The following CACNA1E variants were observed in gnomAD, a reference collection of about 807,000 sequenced individuals.
The protein encoded by CACNA1E is calcium voltage-gated channel subunit alpha1 E.
In CACNA1E, 40 loss-of-function variants were observed where a neutral mutation model predicts 259.2. The observed-to-expected ratio is 0.15, with a 90% CI of 0.12 to 0.20. CACNA1E has a LOEUF of 0.20. Among genes scored for constraint, CACNA1E ranks in the 10% least tolerant of loss-of-function variants. CACNA1E has a pLI of 1.00. For synonymous variants in CACNA1E, 1,104 were observed against 1,138.5 expected, an observed-to-expected ratio of 0.97 and a Z score of 0.61; for missense variants, 1,874 against 3,040.1, an observed-to-expected ratio of 0.62 and a Z score of 9.02.
chr1:181,731,964 G>A (rs536408339), intron 19 of CACNA1E, among the ~76,000 whole-genome samples: 1 of 152,146 alleles, frequency 6.6e-6, no homozygotes, highest in South Asian at 2.1e-4. Context: ...GAAGGGAGAT[G>A]AGGGGGAGAG....
At chr1:181,457,194 A>T (rs555575644) in intron 2 of CACNA1E, among the ~76,000 whole-genome samples, 3 of 152,314 alleles carry the variant, frequency 2.0e-5, no homozygotes, top group African/African-American at 7.2e-5. Context: ...CTGTAACCTT[A>T]CAAGGTGTAA....
chr1:181,616,193 A>G (rs1655191170), intron 6 of CACNA1E, among the ~76,000 whole-genome samples: 1 of 152,176 alleles, frequency 6.6e-6, no homozygotes, highest in Non-Finnish European at 1.5e-5. Context: ...TTTTGATATT[A>G]AGGTTAGGTT....
intron 1 of CACNA1E, among the ~76,000 whole-genome samples, chr1:181,330,012 A>G (rs1651124625): frequency 6.6e-6 from 1 of 152,186 alleles, no homozygotes; most frequent in African/African-American, 2.4e-5. Context: ...TCCCTGACTC[A>G]GGAGGAACTG....
intron 7 of CACNA1E, among the ~76,000 whole-genome samples, chr1:181,696,009 A>G (rs1380387341): frequency 3.3e-5 from 5 of 151,560 alleles, no homozygotes; most frequent in African/African-American, 9.7e-5. Flanking sequence ...GTGTAGATTA[A>G]AATTAATTTG....
chr1:181,319,529 CTTG>C (rs1650182951), intron 1 of CACNA1E, among the ~76,000 whole-genome samples: 1 of 152,142 alleles, frequency 6.6e-6, no homozygotes, highest in Admixed American at 6.5e-5. Context: ...ATGACCATTT[CTTG>C]TTGTTTGATT....
chr1:181,738,697 C>T (rs1347559701), intron 24 of CACNA1E, among the ~76,000 whole-genome samples: 1 of 152,208 alleles, frequency 6.6e-6, no homozygotes, highest in East Asian at 1.9e-4. Flanking sequence ...GGGGCCTGCA[C>T]TCCCCTCCCC....
chr1:181,658,608 C>T (rs1424167478), intron 7 of CACNA1E, among the ~76,000 whole-genome samples: 1 of 152,116 alleles, frequency 6.6e-6, no homozygotes, highest in African/African-American at 2.4e-5. Flanking sequence ...TGCTTAACGG[C>T]CTGTGGATGT....
At position 181,577,802 on chromosome 1, in the gene CACNA1E, C is replaced by T. The variant is rs750697056; in HGVS notation, c.549C>T (p.His183=). 3.4e-5 allele frequency: 54 copies of T among 1,611,072 alleles called. No homozygotes were observed. The highest frequency in any genetic ancestry group is 3.3e-4 in the Middle Eastern group (2 of 6,082). The part of the protein sequence containing the change: ...LATAGTHFNT[H]VDLRTLRAVR... ...CTGCAGGAACCCACTTCAATACTCA[C>T]GTGGACCTGAGGACCCTCCGGGCTG... Residue 183 remains histidine, a synonymous_variant, in exon 4 of 48, where the codon CAC becomes CAT. Coordinates refer to ENST00000367573, the MANE Select transcript of CACNA1E (RefSeq NM_001205293.3).
At chr1:181,787,035 T>C (rs1198061257) in intron 43 of CACNA1E, among the ~76,000 whole-genome samples, 1 of 152,076 alleles carries the variant, frequency 6.6e-6, no homozygotes, top group Non-Finnish European at 1.5e-5. Flanking sequence ...TCAGTGTTTA[T>C]CTTCTGCTTG....
intron 3 of CACNA1E, among the ~76,000 whole-genome samples, chr1:181,543,264 C>T (rs1361114573): frequency 2.6e-5 from 4 of 152,000 alleles, no homozygotes; most frequent in Admixed American, 2.6e-4. Context: ...CTGATGGGTG[C>T]GTGTGTCGGG....
chr1:181,516,204 A>G (rs1666570235), intron 3 of CACNA1E, among the ~76,000 whole-genome samples: 1 of 151,914 alleles, frequency 6.6e-6, no homozygotes, highest in Admixed American at 6.6e-5. Flanking sequence ...AGCACTGCAT[A>G]TTGAAGACCT....
chr1:181,799,061 G>T lies in CACNA1E; in HGVS notation c.*227G>T. 1 of 424,240 alleles carries T rather than the reference G, an allele frequency of 2.4e-6. No homozygotes were observed. The highest frequency in any genetic ancestry group is 4.1e-6 in the Non-Finnish European group (1 of 241,944). The allele number at this position is 424,240 out of a possible 1,614,324, so 26.3% of individuals were successfully genotyped here. On this transcript the variant is annotated 3_prime_UTR_variant, in exon 48 of 48. Coordinates refer to ENST00000367573, the MANE Select transcript of CACNA1E (RefSeq NM_001205293.3). ...GGCACTGCCATAGTTCTGCCTCTTT[G>T]CTGGGGAAAGAAACCAGGAACGTGG...
chr1:181,578,939 C>A, intron 4 of CACNA1E, 133 bp from the exon 5 acceptor site: 2 of 694,052 alleles, frequency 2.9e-6, no homozygotes, highest in African/African-American at 1.8e-5. Context: ...GAAAGGAGCA[C>A]ATTCTAATAA....
intron 6 of CACNA1E, among the ~76,000 whole-genome samples, chr1:181,647,288 CAG>C (rs1658362289): frequency 6.6e-6 from 1 of 152,118 alleles, no homozygotes; most frequent in Non-Finnish European, 1.5e-5. Flanking sequence ...CTCCTGGGGC[CAG>C]AATCTTGATT....
chr1:181,338,324 A>G lies in CACNA1E; in HGVS notation c.-15+20201A>G, dbSNP rs540075373. On this transcript the variant is annotated intron_variant, in intron 1 of 11. Transcript: ENST00000524607. ...TGGTCTTGAACTCTTGCCTCAAGTG[A>G]TCTGCCCGTCTCAGCCTCCCAAAAT... 1.3e-5 allele frequency among the ~76,000 whole-genome samples: 2 copies of G among 152,114 alleles called. 1 individual carries two copies. The highest frequency in any genetic ancestry group is 1.3e-4 in the Admixed American group (2 of 15,264).
chr1:181,750,542 G>T, intron 26 of CACNA1E, 55 bp downstream of exon 26: 1 of 1,572,922 alleles, frequency 6.4e-7, no homozygotes, highest in Non-Finnish European at 8.7e-7. Context: ...AGTTGGAGGA[G>T]CGAGAAAGTA....
rs577004160 is a variant in CACNA1E, at chr1:181,332,432, G to T, written c.-15+14309G>T. ...ATAGTTCAATTAAAAGATACAAATT[G>T]TACCCCATTTTTATTTTCTAAGTAT... On this transcript the variant is annotated intron_variant, in intron 1 of 11. Transcript: ENST00000524607. Among the ~76,000 whole-genome samples the T allele has an allele frequency of 2.0e-5, 3 of 152,272 alleles. No individual in the cohort carries two copies. The East Asian group carries it at 5.8e-4, about 29-fold the overall frequency.
chr1:181,778,515 C>T (rs929706229), intron 38 of CACNA1E, among the ~76,000 whole-genome samples: 4 of 152,202 alleles, frequency 2.6e-5, no homozygotes, highest in Non-Finnish European at 5.9e-5. Context: ...TAATTTCCAG[C>T]GGAAACCCTG....
intron 6 of CACNA1E, among the ~76,000 whole-genome samples, chr1:181,640,577 T>C (rs1325737478): frequency 3.3e-5 from 5 of 152,202 alleles, no homozygotes; most frequent in African/African-American, 9.6e-5. Flanking sequence ...CAATGATAAA[T>C]TAATTCGCCT....
Sources: gnomAD v4.1 joint callset for allele counts (sites outside exome capture counted in the v4.1 genomes callset) on GRCh38, gnomAD v4.1.1 for gene constraint, MANE v1.5 for transcripts, NCBI Gene and HGNC (gene_info 2026-07-23, HGNC 2026-07-21) for gene names.